Variants in LRMDA observed in about 807,000 individuals in gnomAD.
LRMDA encodes leucine rich melanocyte differentiation associated.
Under a neutral mutation model 29.8 loss-of-function variants are expected in LRMDA, and 18 were observed. The observed-to-expected ratio is 0.60, with a 90% CI of 0.42 to 0.90. The LOEUF (loss-of-function observed/expected upper bound fraction) is 0.90. LRMDA is among the 40% of genes least tolerant of loss of function. The pLI is 0.00. For missense variants in LRMDA, 273 were observed against 273.9 expected (o/e 1.00, Z 0.02); for synonymous variants, 125 against 109.4 (o/e 1.14, Z -0.89).
chr10:75,921,400 A>G (rs991951693), intron 2 of LRMDA, among the ~76,000 whole-genome samples: 4 of 152,222 alleles, frequency 2.6e-5, no homozygotes, highest in African/African-American at 9.6e-5. Flanking sequence ...TCTGTATGTA[A>G]TCACTGCTGC....
chr10:76,167,221 G>A (rs1850756958), intron 5 of LRMDA, among the ~76,000 whole-genome samples: 1 of 152,078 alleles, frequency 6.6e-6, no homozygotes, highest in African/African-American at 2.4e-5. Context: ...TTCGTCAGAT[G>A]CATAGTTTTG....
chr10:76,553,705 T>A (rs961589354), intron 6 of LRMDA, among the ~76,000 whole-genome samples: 2 of 152,170 alleles, frequency 1.3e-5, no homozygotes, highest in African/African-American at 4.8e-5. Context: ...AAGTCACATA[T>A]TGGGGGTAAT....
chr10:76,204,354 C>G (rs1851496087), intron 5 of LRMDA, among the ~76,000 whole-genome samples: 1 of 151,716 alleles, frequency 6.6e-6, no homozygotes, highest in South Asian at 2.1e-4. Flanking sequence ...CCACCCATCT[C>G]TATTCCATGT....
At chr10:75,706,871 A>G (rs1842376562) in intron 2 of LRMDA, among the ~76,000 whole-genome samples, 1 of 151,932 alleles carries the variant, frequency 6.6e-6, no homozygotes, top group Admixed American at 6.6e-5. Context: ...ATGTAGATAG[A>G]TGAAGTGGTG....
chr10:75,867,245 CT>C (rs1451904022), intron 2 of LRMDA, among the ~76,000 whole-genome samples: 2 of 152,168 alleles, frequency 1.3e-5, no homozygotes, highest in Non-Finnish European at 2.9e-5. Context: ...TCACTGCAAC[CT>C]CCGCCTCCTA....
At chr10:76,363,487 T>C (rs1223658116) in intron 6 of LRMDA, among the ~76,000 whole-genome samples, 1 of 152,084 alleles carries the variant, frequency 6.6e-6, no homozygotes, top group Non-Finnish European at 1.5e-5. Context: ...GCAAGATTAA[T>C]ATGCAAGTCA....
intron 6 of LRMDA, among the ~76,000 whole-genome samples, chr10:76,365,382 C>G (rs999444142): frequency 6.6e-6 from 1 of 151,932 alleles, no homozygotes; most frequent in African/African-American, 2.4e-5. Context: ...AGAAGTGTTC[C>G]CTGTTCACTG....
intron 2 of LRMDA, chr10:75,782,748 C>T (rs904899923): frequency 7.3e-7 from 1 of 1,364,040 alleles, no homozygotes; most frequent in African/African-American, 1.5e-5. Context: ...CAAGCAGATG[C>T]CCTTTGCTGA....
At chr10:75,839,287 CAG>C (rs1231849538) in intron 2 of LRMDA, among the ~76,000 whole-genome samples, 1 of 152,160 alleles carries the variant, frequency 6.6e-6, no homozygotes, top group African/African-American at 2.4e-5. Flanking sequence ...GTGGAGCAAA[CAG>C]ATGTTGTGAA....
chr10:76,406,639 T>G (rs953561039), intron 6 of LRMDA, among the ~76,000 whole-genome samples: 19 of 152,150 alleles, frequency 1.2e-4, no homozygotes, highest in Non-Finnish European at 2.9e-5. Context: ...GAGTTGGCTA[T>G]GACATCTGCC....
In LRMDA at chr10:76,324,107, T is replaced by C. The variant is rs571657337; in HGVS notation, c.517-294T>C. On this transcript the variant is annotated intron_variant, in intron 5 of 6. Transcript: ENST00000611255. ...CTGATAGAAATCTAAGCCTTTAACT[T>C]TTCCTGTCTTCTGCCTCTCTCTTTT... Among the ~76,000 whole-genome samples, 7 of 152,292 alleles carry C rather than the reference T, an allele frequency of 4.6e-5. No homozygotes were observed. The South Asian group carries it at 6.2e-4, about 14-fold the overall frequency.
intron 2 of LRMDA, among the ~76,000 whole-genome samples, chr10:75,756,283 C>G (rs979428020): frequency 6.6e-6 from 1 of 152,214 alleles, no homozygotes; most frequent in African/African-American, 2.4e-5. Context: ...TCCAGAAAGT[C>G]TTCTTAAAAG....
chr10:76,270,353 G>A (rs1353438320), intron 5 of LRMDA: 3 of 152,220 alleles, frequency 2.0e-5, no homozygotes, highest in African/African-American at 4.8e-5. Context: ...GGGAGCTGGT[G>A]TATGGAGCAT....
chr10:75,434,236 T>A (rs1844240898), intron 1 of LRMDA, among the ~76,000 whole-genome samples: 1 of 152,202 alleles, frequency 6.6e-6, no homozygotes, highest in Non-Finnish European at 1.5e-5. Flanking sequence ...AGTGGTCTGA[T>A]TCAACAGCTG....
intron 5 of LRMDA, among the ~76,000 whole-genome samples, chr10:76,125,956 G>C (rs1849874761): frequency 6.6e-6 from 1 of 152,204 alleles, no homozygotes; most frequent in African/African-American, 2.4e-5. Context: ...GAAAGGCAGG[G>C]GAGTAATAAG....
chr10:76,407,864 T>C (rs1841918490), intron 6 of LRMDA, among the ~76,000 whole-genome samples: 1 of 152,212 alleles, frequency 6.6e-6, no homozygotes, highest in African/African-American at 2.4e-5. Context: ...ATATGATCTT[T>C]AAGACATTCC....
intron 5 of LRMDA, among the ~76,000 whole-genome samples, chr10:76,145,717 T>G (rs1169733457): frequency 6.6e-6 from 1 of 152,110 alleles, no homozygotes; most frequent in Non-Finnish European, 1.5e-5. Context: ...CTTAGTTATT[T>G]CTTGCCTTCT....
intron 2 of LRMDA, among the ~76,000 whole-genome samples, chr10:75,472,458 G>T (rs1335056628): frequency 6.6e-6 from 1 of 152,200 alleles, no homozygotes; most frequent in East Asian, 1.9e-4. Flanking sequence ...CCCAAGCCCA[G>T]GCAAGAGGAA....
At chr10:75,573,259 ATT>A (rs1276760552) in intron 2 of LRMDA, among the ~76,000 whole-genome samples, 1 of 151,844 alleles carries the variant, frequency 6.6e-6, no homozygotes. Context: ...CAATGTGTGG[ATT>A]TGTTTTATTT....
Sources: allele counts gnomAD v4.1 joint callset (sites outside exome capture counted in the v4.1 genomes callset), GRCh38; gene constraint gnomAD v4.1.1; transcripts MANE v1.5; gene names NCBI Gene and HGNC (gene_info 2026-07-23, HGNC 2026-07-21).